The following COPG2 variants were observed in gnomAD, a reference collection of about 807,000 sequenced individuals.
COPG2 encodes the protein coatomer subunit gamma-2.
COPG2 carries 37 observed loss-of-function variants against 46.3 expected under a neutral mutation model. The observed-to-expected ratio is 0.80, with a 90% confidence interval of 0.61 to 1.05. COPG2 has a LOEUF of 1.05. COPG2 is among the 50% of genes least tolerant of loss of function. The pLI is 0.00. For synonymous variants in COPG2, 159 were observed against 129.7 expected, an observed-to-expected ratio of 1.23 and a Z score of -1.53; for missense variants, 427 against 387.8, an observed-to-expected ratio of 1.10 and a Z score of -0.85.
At chr7:130,552,522 T>G (rs1296111047) in intron 14 of COPG2, 92 bp from the exon 15 acceptor site, 3 of 396,318 alleles carry the variant, frequency 7.6e-6, no homozygotes, top group Non-Finnish European at 1.3e-5. Context: ...AGTGTCCCCA[T>G]GTTCAGTGGA....
intron 20 of COPG2, among the ~76,000 whole-genome samples, chr7:130,513,309 ATATATATATAT>A (rs1158257578): frequency 4.5e-4 from 22 of 48,910 alleles, no homozygotes; most frequent in Non-Finnish European, 5.4e-4. Flanking sequence ...AAAAAAAAAA[ATATATATATAT>A]ATATATATAT....
Position 130,612,208 on chromosome 7 carries a change from T to G in COPG2, c.523A>C (p.Lys175Gln), listed in dbSNP as rs1554452209. 6.2e-7 allele frequency: 1 copy of G among 1,609,344 alleles called. No individual in the cohort carries two copies. The change falls in exon 8 of 24, where the codon AAG (lysine) becomes CAG (glutamine). Residue 175 changes from lysine (K) to glutamine (Q), a missense_variant. By Grantham distance (53) the Lys-to-Gln change is moderately conservative (BLOSUM62 1). Coordinates refer to ENST00000425248, the MANE Select transcript of COPG2 (RefSeq NM_012133.6). The stretch of plus-strand genomic sequence containing the variant: ...TCTTGGGCTTCATTGATCCAGCGCT[T>G]AACCACATCATAGCTTATCTTCATC... ...HMMKISYDVV[K>Q]RWINEAQEAA...
chr7:130,650,239 A>G (rs1228922503), intron 5 of COPG2, among the ~76,000 whole-genome samples: 1 of 152,134 alleles, frequency 6.6e-6, no homozygotes, highest in Non-Finnish European at 1.5e-5. Flanking sequence ...TAATCTCCCT[A>G]TCTGCTGTTT....
At chr7:130,653,752 C>T (rs1374110828) in intron 4 of COPG2, among the ~76,000 whole-genome samples, 6 of 152,060 alleles carry the variant, frequency 3.9e-5, no homozygotes, top group Non-Finnish European at 7.4e-5. Context: ...ATACATCAGA[C>T]GCAGCTCCAG....
intron 20 of COPG2, among the ~76,000 whole-genome samples, chr7:130,541,555 G>A (rs1415789604): frequency 6.6e-6 from 1 of 152,102 alleles, no homozygotes; most frequent in African/African-American, 2.4e-5. Flanking sequence ...AGACACGAGT[G>A]AGTGACAAAG....
Position 130,555,045 on chromosome 7 carries a change from G to A in COPG2, c.1216C>T (p.Arg406Ter), listed in dbSNP as rs932929897. 4 of 398,306 alleles carry A rather than the reference G, an allele frequency of 1.0e-5. No homozygotes were observed. The highest frequency in any genetic ancestry group is 1.2e-3 in the Middle Eastern group (2 of 1,608). The allele number at this position is 398,306 out of a possible 1,614,324, so 24.7% of individuals were successfully genotyped here. A position where few individuals can be genotyped will look rare whatever the true frequency, so the allele number is the denominator to read the frequency against. ...VMMTFLSNML[R>*]DDGGFEYKRA... ...AAAAGTAGTCTACCTACATCATCTC[G>A]GAGCATGTTGGAGAGGAAAGTCATC... is the stretch of plus-strand genomic sequence containing the variant. Residue 406 changes from arginine (R) to a stop codon, truncating the protein, a stop_gained, in exon 13 of 24, where the codon CGA (arginine) becomes TGA (stop). Transcript: ENST00000425248. LOFTEE classifies it high-confidence loss of function.
At chr7:130,626,740 T>C (rs186162354) in intron 5 of COPG2, among the ~76,000 whole-genome samples, 21 of 152,334 alleles carry the variant, frequency 1.4e-4, no homozygotes, top group African/African-American at 3.8e-4. Context: ...CCTTTTCCCA[T>C]TGACACCTGA....
chr7:130,529,333 G>GGGATGTGCAGTACATCTT (rs1437483285), intron 20 of COPG2, among the ~76,000 whole-genome samples: 1 of 152,060 alleles, frequency 6.6e-6, no homozygotes, highest in Non-Finnish European at 1.5e-5. Flanking sequence ...TAACAGTAGG[G>GGGATGTGCAGTACATCTT]GGATGTGCAG....
At chr7:130,635,171 CT>C (rs1183441491) in intron 5 of COPG2, among the ~76,000 whole-genome samples, 10 of 151,550 alleles carry the variant, frequency 6.6e-5, no homozygotes, top group Admixed American at 3.3e-4. Context: ...CTGAAATTTT[CT>C]TTTTTTGTTG....
At chr7:130,649,627 G>T (rs1554458821) in intron 5 of COPG2, among the ~76,000 whole-genome samples, 2 of 152,080 alleles carry the variant, frequency 1.3e-5, no homozygotes, top group African/African-American at 4.8e-5. Context: ...TCCACCATCT[G>T]TTCACAATGA....
intron 5 of COPG2, among the ~76,000 whole-genome samples, chr7:130,636,851 T>C (rs1004215830): frequency 6.6e-6 from 1 of 152,218 alleles, no homozygotes; most frequent in East Asian, 1.9e-4. Context: ...GTTTTTGCAG[T>C]GGCTGACACT....
rs1584610956 is a variant in COPG2, at chr7:130,651,689, T to G, written c.323+1180A>C. On this transcript the variant is annotated intron_variant, in intron 5 of 23. Transcript: ENST00000425248. ...CCGCCACCGCGCCCGGCTAATTTTT[T>G]GTATTTTTAGTAGAGACGGGGTTTC... Among the ~76,000 whole-genome samples, 5 of 151,440 alleles carry G rather than the reference T, an allele frequency of 3.3e-5. No individual in the cohort carries two copies. In the South Asian group the frequency reaches 1.0e-3, roughly 32 times the overall value.
chr7:130,521,653 G>A (rs1799724810), intron 20 of COPG2, among the ~76,000 whole-genome samples: 2 of 152,196 alleles, frequency 1.3e-5, no homozygotes. Context: ...GTATCATATG[G>A]AACAAGGAAG....
At chr7:130,598,999 G>A (rs1554450043) in intron 9 of COPG2, among the ~76,000 whole-genome samples, 1 of 152,156 alleles carries the variant, frequency 6.6e-6, no homozygotes, top group African/African-American at 2.4e-5. Context: ...AGGATTCCAA[G>A]CAATCCCTGC....
intron 3 of COPG2, among the ~76,000 whole-genome samples, chr7:130,666,641 C>T (rs1449289694): frequency 1.3e-5 from 2 of 152,096 alleles, no homozygotes; most frequent in Non-Finnish European, 2.9e-5. Flanking sequence ...CTTCTGGTTC[C>T]GAGCATTGCA....
chr7:130,612,746 G>C (rs928773764), intron 7 of COPG2, among the ~76,000 whole-genome samples: 8 of 152,036 alleles, frequency 5.3e-5, no homozygotes, highest in Non-Finnish European at 4.4e-5. Context: ...AAAACGGAAA[G>C]AAAAATGTAT....
intron 9 of COPG2, among the ~76,000 whole-genome samples, chr7:130,596,565 C>G (rs1188302852): frequency 6.6e-6 from 1 of 152,172 alleles, no homozygotes; most frequent in Non-Finnish European, 1.5e-5. Flanking sequence ...CTGGGCAACA[C>G]TAGGGCTCCA....
At chr7:130,575,559 T>G (rs1397485439) in intron 9 of COPG2, among the ~76,000 whole-genome samples, 1 of 152,164 alleles carries the variant, frequency 6.6e-6, no homozygotes, top group Non-Finnish European at 1.5e-5. Context: ...AGGAGCCCTA[T>G]ATCCTGAAAC....
chr7:130,571,688 T>C (rs1364518581), intron 9 of COPG2, among the ~76,000 whole-genome samples: 1 of 152,154 alleles, frequency 6.6e-6, no homozygotes, highest in Non-Finnish European at 1.5e-5. Context: ...GCAAACCCAC[T>C]ACTGGGTATC....
Sources: gnomAD v4.1 joint callset for allele counts (sites outside exome capture counted in the v4.1 genomes callset) on GRCh38, gnomAD v4.1.1 for gene constraint, MANE v1.5 for transcripts, NCBI Gene and HGNC (gene_info 2026-07-23, HGNC 2026-07-21) for gene names.